The following MTM1 variants were observed in gnomAD, a reference collection of about 807,000 sequenced individuals.
MTM1 encodes myotubularin 1, also known as myotubularin.
MTM1 carries 9 observed loss-of-function variants against 52.1 expected under a neutral mutation model. That is an observed-to-expected ratio of 0.17 (90% CI 0.10 to 0.30). The LOEUF is 0.30. Ranked by LOEUF, MTM1 falls within the 10% of genes least tolerant of loss-of-function variation. The pLI is 1.00. For missense variants in MTM1, 277 were observed against 470.7 expected, an observed-to-expected ratio of 0.59 and a Z score of 3.81; for synonymous variants, 136 against 163.8, an observed-to-expected ratio of 0.83 and a Z score of 1.29.
chrX:150,566,918 C>T (rs1234468050), upstream of MTM1, among the ~76,000 whole-genome samples: 2 of 111,763 alleles, frequency 1.8e-5, no homozygotes, highest in African/African-American at 6.5e-5. Flanking sequence ...ATTTACTGAG[C>T]GTGCTTTGAA....
intron 8 of MTM1, 45 bp downstream of exon 8, chrX:150,641,463 C>G: frequency 8.5e-7 from 1 of 1,180,040 alleles, no homozygotes; most frequent in Non-Finnish European, 1.2e-6. Context: ...ACCTTTTAGT[C>G]CATAAGAATG....
intron 6 of MTM1, among the ~76,000 whole-genome samples, chrX:150,633,824 G>T (rs781959812): frequency 1.8e-5 from 2 of 112,218 alleles, no homozygotes; most frequent in Non-Finnish European, 3.8e-5. Flanking sequence ...CTGAGCTCAG[G>T]AGTTCAAGGC....
intron 2 of MTM1, among the ~76,000 whole-genome samples, chrX:150,596,125 C>G (rs1159803867): frequency 8.9e-6 from 1 of 111,925 alleles, no homozygotes; most frequent in African/African-American, 3.2e-5. Flanking sequence ...TCCTACTCTT[C>G]CCAAAAGATG....
chrX:150,626,302 A>AT (rs1557413419), intron 6 of MTM1, among the ~76,000 whole-genome samples: 2 of 111,517 alleles, frequency 1.8e-5, no homozygotes, highest in African/African-American at 6.5e-5. Context: ...TTAACATAGG[A>AT]TTTTTTTGTT....
At chrX:150,664,432 A>G (rs1432082527) in intron 14 of MTM1, among the ~76,000 whole-genome samples, 1 of 112,572 alleles carries the variant, frequency 8.9e-6, no homozygotes, top group Non-Finnish European at 1.9e-5. Context: ...CAGATTGTTC[A>G]TTCCTCTCAG....
chrX:150,657,724 T>G, intron 10 of MTM1, 97 bp from the exon 11 acceptor site: 1 of 815,101 alleles, frequency 1.2e-6, no homozygotes. Flanking sequence ...TTCTGGACGT[T>G]AATATTTTAA....
At position 150,651,123 on chromosome X, in the gene MTM1, G is replaced by A. The variant is rs183438020; in HGVS notation, c.1053+1222G>A. ...ACCTATCATCTCTTCAATCATATGT[G>A]AACCTCCTTAAAGTCTTATACCATT... On this transcript the variant is annotated intron_variant, in intron 10 of 14. Transcript: ENST00000370396. Among the ~76,000 whole-genome samples, 32 of 111,750 alleles carry A rather than the reference G, an allele frequency of 2.9e-4. No homozygotes were observed. In the East Asian group the frequency reaches 5.6e-3, roughly 20 times the overall value.
chrX:150,592,650 C>G lies in MTM1; in HGVS notation c.36C>G (p.His12Gln), dbSNP rs1557412512. 8.4e-7 allele frequency: 1 copy of G among 1,190,462 alleles called. No homozygotes were observed. Among genetic ancestry groups the G allele is most frequent in the Non-Finnish European group, 1.1e-6 (1 of 876,569 alleles). ...ASASTSKYNSHSLENESIKRT... is the reference protein window; with the variant it reads ...ASASTSKYNSQSLENESIKRT... ...CATCAACTTCTAAATATAATTCACACTCCTTGGAGAATGAGTCTATTAAGA... is the reference window on the plus strand; with the variant it reads ...CATCAACTTCTAAATATAATTCACAGTCCTTGGAGAATGAGTCTATTAAGA... The change falls in exon 2 of 15, where the codon CAC becomes CAG. Residue 12 changes from histidine to glutamine, a missense_variant. Physicochemically the swap from His to Gln is conservative, Grantham distance 24. Transcript: ENST00000370396.
rs1274351638 is a variant in MTM1, at chrX:150,657,635, A to G, written c.1054-186A>G. On this transcript the variant is annotated intron_variant, in intron 10 of 14. Transcript: ENST00000370396. ...AGTATAATTTAAAAAAAAAAGAAGA[A>G]AAGAAAACAAATGCAGCGTCTGTAG... Among the ~76,000 whole-genome samples the G allele has an allele frequency of 2.8e-3, 318 of 111,692 alleles. 2 individuals are homozygous for G. Among genetic ancestry groups the G allele is most frequent in the African/African-American group, 8.7e-3 (269 of 30,783 alleles).
intron 1 of MTM1, among the ~76,000 whole-genome samples, chrX:150,574,903 C>G (rs1433568062): frequency 2.7e-5 from 3 of 111,935 alleles, no homozygotes; most frequent in African/African-American, 9.8e-5. Flanking sequence ...CACAGCATCG[C>G]TTTGAGGTAA....
At chrX:150,626,551 G>A (rs1569565465) in intron 6 of MTM1, among the ~76,000 whole-genome samples, 2 of 111,091 alleles carry the variant, frequency 1.8e-5, no homozygotes, top group Non-Finnish European at 3.8e-5. Flanking sequence ...CTTGTGATCC[G>A]CCCGCCTCAG....
chrX:150,567,657 G>A (rs986167836), upstream of MTM1, among the ~76,000 whole-genome samples: 1 of 111,269 alleles, frequency 9.0e-6, no homozygotes, highest in African/African-American at 3.3e-5. Flanking sequence ...GGGTTCAAGC[G>A]ATTCTCTTGC....
chrX:150,661,685 A>C (rs1369170885), intron 13 of MTM1, among the ~76,000 whole-genome samples: 1 of 111,869 alleles, frequency 8.9e-6, no homozygotes, highest in Non-Finnish European at 1.9e-5. Context: ...AGGCACAGAA[A>C]GACAAATACC....
upstream of MTM1, among the ~76,000 whole-genome samples, chrX:150,564,127 A>T (rs1343701872): frequency 3.6e-5 from 4 of 111,383 alleles, no homozygotes; most frequent in Non-Finnish European, 5.7e-5. Context: ...GTCAACCATA[A>T]ATCTGCTTTC....
chrX:150,647,525 G>A (rs1394716551), intron 9 of MTM1, among the ~76,000 whole-genome samples: 1 of 111,464 alleles, frequency 9.0e-6, no homozygotes, highest in Non-Finnish European at 1.9e-5. Context: ...TCCGCTAGTC[G>A]CTAATATCCA....
chrX:150,610,922 T>G (rs2039264448), intron 4 of MTM1, among the ~76,000 whole-genome samples: 1 of 112,368 alleles, frequency 8.9e-6, no homozygotes, highest in South Asian at 3.7e-4. Flanking sequence ...ATTTTATGTA[T>G]AAATTTGACA....
intron 3 of MTM1, among the ~76,000 whole-genome samples, chrX:150,597,320 C>T (rs782147763): frequency 1.8e-4 from 20 of 111,978 alleles, no homozygotes; most frequent in Admixed American, 2.8e-4. Flanking sequence ...CGGGCCTAAG[C>T]GAGGTACCTT....
In MTM1 at chrX:150,619,157, C is replaced by T; in HGVS notation, c.444+18C>T. The T allele has an allele frequency of 8.8e-7, 1 of 1,136,290 alleles. No individual in the cohort carries two copies. Among genetic ancestry groups the T allele is most frequent in the Non-Finnish European group, 1.2e-6 (1 of 826,476 alleles). The allele number at this position is 1,136,290 out of a possible 1,213,427, so 93.6% of individuals were successfully genotyped here. A position where few individuals can be genotyped will look rare whatever the true frequency, so the allele number is the denominator to read the frequency against. ...ACAGTCTGGTAAATTCCAGTGCTCT[C>T]CTCAGCGTGGGAAGGTTCTCAGTGC... On this transcript the variant is annotated intron_variant, in intron 6 of 14. Coordinates refer to ENST00000370396, the MANE Select transcript of MTM1 (RefSeq NM_000252.3).
At chrX:150,614,144 A>G (rs782392337) in intron 4 of MTM1, among the ~76,000 whole-genome samples, 1 of 112,465 alleles carries the variant, frequency 8.9e-6, no homozygotes, top group East Asian at 2.8e-4. Context: ...GGCGAAAGTC[A>G]TGGGGACAAT....
Sources: gnomAD v4.1 joint callset for allele counts (sites outside exome capture counted in the v4.1 genomes callset) on GRCh38, gnomAD v4.1.1 for gene constraint, MANE v1.5 for transcripts, NCBI Gene and HGNC (gene_info 2026-07-23, HGNC 2026-07-21) for gene names.